NOS1AP: variants seen among roughly 807,000 people sequenced by gnomAD.
The protein encoded by NOS1AP is nitric oxide synthase 1 adaptor protein, also known as carboxyl-terminal PDZ ligand of neuronal nitric oxide synthase protein.
In NOS1AP, 21 loss-of-function variants were observed where a neutral mutation model predicts 56.2. The observed-to-expected ratio is 0.37, with a 90% confidence interval of 0.26 to 0.54. The LOEUF (loss-of-function observed/expected upper bound fraction) is 0.54. Ranked by LOEUF, NOS1AP falls within the 20% of genes least tolerant of loss-of-function variation. The pLI, the probability that NOS1AP is intolerant of heterozygous loss-of-function variation, is 0.84. For synonymous variants in NOS1AP, 270 were observed against 274.6 expected, an observed-to-expected ratio of 0.98 and a Z score of 0.17; for missense variants, 522 against 657.8, an observed-to-expected ratio of 0.79 and a Z score of 2.26.
At chr1:162,208,203 C>G (rs549601476) in intron 2 of NOS1AP, among the ~76,000 whole-genome samples, 1 of 152,164 alleles carries the variant, frequency 6.6e-6, no homozygotes, top group Non-Finnish European at 1.5e-5. Context: ...TACCTGCCCT[C>G]CAAGACCAAG....
At chr1:162,317,612 T>C (rs1211432771) in intron 4 of NOS1AP, 1 of 152,204 alleles carries the variant, frequency 6.6e-6, no homozygotes. Context: ...CATGTAGTAT[T>C]GGCTAGGCCT....
At chr1:162,139,125 C>T (rs555781396) in intron 1 of NOS1AP, among the ~76,000 whole-genome samples, 49 of 152,234 alleles carry the variant, frequency 3.2e-4, no homozygotes, top group Non-Finnish European at 6.0e-4. Context: ...TCACTCCGCC[C>T]TAGTGTCTAC....
intron 2 of NOS1AP, among the ~76,000 whole-genome samples, chr1:162,273,035 A>G (rs1654628847): frequency 6.6e-6 from 1 of 152,028 alleles, no homozygotes; most frequent in South Asian, 2.1e-4. Context: ...TGACCCTACC[A>G]GTGCCTGGAC....
intron 2 of NOS1AP, among the ~76,000 whole-genome samples, chr1:162,167,682 G>A (rs555272175): frequency 6.6e-6 from 1 of 152,338 alleles, no homozygotes; most frequent in East Asian, 1.9e-4. Flanking sequence ...GGTCTCTCCC[G>A]AGCCGCTAAG....
chr1:162,166,278 C>A (rs767428520), intron 2 of NOS1AP, among the ~76,000 whole-genome samples: 7 of 152,226 alleles, frequency 4.6e-5, no homozygotes, highest in Non-Finnish European at 7.3e-5. Context: ...CATTGTCCTA[C>A]TTAAAACCAT....
intron 2 of NOS1AP, among the ~76,000 whole-genome samples, chr1:162,213,817 C>T (rs988021556): frequency 6.6e-6 from 1 of 152,378 alleles, no homozygotes; most frequent in South Asian, 2.1e-4. Flanking sequence ...GAAAGGCTCT[C>T]TTTGTCCTGA....
chr1:162,090,153 T>TA (rs1360053946), intron 1 of NOS1AP, among the ~76,000 whole-genome samples: 2 of 151,854 alleles, frequency 1.3e-5, no homozygotes, highest in African/African-American at 4.8e-5. Flanking sequence ...TTCCCTGATT[T>TA]TTTTTTTCTG....
chr1:162,107,842 G>A (rs184791946), intron 1 of NOS1AP, among the ~76,000 whole-genome samples: 115 of 152,226 alleles, frequency 7.6e-4, no homozygotes, highest in Admixed American at 1.3e-3. Flanking sequence ...AACACTGTAG[G>A]CTGTTTTTAA....
At chr1:162,195,603 G>T (rs190603041) in intron 2 of NOS1AP, among the ~76,000 whole-genome samples, 41 of 152,214 alleles carry the variant, frequency 2.7e-4, no homozygotes, top group African/African-American at 8.4e-4. Context: ...GTACCCCTTT[G>T]TACACTCTTT....
chr1:162,099,053 G>A (rs1183174514), intron 1 of NOS1AP, among the ~76,000 whole-genome samples: 1 of 152,134 alleles, frequency 6.6e-6, no homozygotes. Flanking sequence ...TGGGTTGAAT[G>A]GTATTTCTGC....
intron 1 of NOS1AP, among the ~76,000 whole-genome samples, chr1:162,131,822 A>T (rs1487365799): frequency 6.6e-6 from 1 of 152,082 alleles, no homozygotes; most frequent in Non-Finnish European, 1.5e-5. Flanking sequence ...GATTTTACAT[A>T]TGGCCTCAGT....
chr1:162,110,337 T>C (rs2102039868), intron 1 of NOS1AP, among the ~76,000 whole-genome samples: 1 of 147,756 alleles, frequency 6.8e-6, no homozygotes, highest in South Asian at 2.1e-4. Context: ...GAACACAGGC[T>C]CCAGGGTCTG....
chr1:162,252,166 C>G (rs1236494323), intron 2 of NOS1AP, among the ~76,000 whole-genome samples: 1 of 151,996 alleles, frequency 6.6e-6, no homozygotes, highest in Admixed American at 6.6e-5. Context: ...CCCACATCAG[C>G]CTCCTGAGTA....
chr1:162,130,979 C>T (rs1209686069), intron 1 of NOS1AP, among the ~76,000 whole-genome samples: 1 of 152,088 alleles, frequency 6.6e-6, no homozygotes, highest in African/African-American at 2.4e-5. Context: ...CTTAGGCAAA[C>T]AGGTTTAGAA....
At chr1:162,266,294 T>G (rs765076817) in intron 2 of NOS1AP, among the ~76,000 whole-genome samples, 3 of 152,220 alleles carry the variant, frequency 2.0e-5, no homozygotes, top group Non-Finnish European at 4.4e-5. Context: ...CCTCAAGGAT[T>G]TCCATCTCAT....
At chr1:162,265,996 C>A (rs554945852) in intron 2 of NOS1AP, among the ~76,000 whole-genome samples, 1 of 152,066 alleles carries the variant, frequency 6.6e-6, no homozygotes, top group Non-Finnish European at 1.5e-5. Flanking sequence ...GTAGGATGGA[C>A]GAGGGGACTA....
At chr1:162,087,505 C>T (rs994325425) in intron 1 of NOS1AP, among the ~76,000 whole-genome samples, 8 of 152,200 alleles carry the variant, frequency 5.3e-5, no homozygotes, top group Admixed American at 5.2e-4. Flanking sequence ...ATGCCAATCC[C>T]ATCCTTTGTT....
At chr1:162,076,732 G>T (rs1191845490) in intron 1 of NOS1AP, among the ~76,000 whole-genome samples, 7 of 152,098 alleles carry the variant, frequency 4.6e-5, no homozygotes, top group Non-Finnish European at 1.0e-4. Context: ...GGGCATGATG[G>T]CACACACCTG....
intron 1 of NOS1AP, among the ~76,000 whole-genome samples, chr1:162,131,964 C>T (rs1187254329): frequency 6.6e-6 from 1 of 152,164 alleles, no homozygotes; most frequent in Non-Finnish European, 1.5e-5. Flanking sequence ...GGATTGTCAC[C>T]AGGATCAAAT....
Sources: gnomAD v4.1 joint callset for allele counts (sites outside exome capture counted in the v4.1 genomes callset) on GRCh38, gnomAD v4.1.1 for gene constraint, MANE v1.5 for transcripts, NCBI Gene and HGNC (gene_info 2026-07-23, HGNC 2026-07-21) for gene names.